RIN2: variants seen among roughly 807,000 people sequenced by gnomAD.
RIN2 encodes the protein Ras and Rab interactor 2.
In RIN2, 36 loss-of-function variants were observed where a neutral mutation model predicts 78.0. The ratio of observed to expected loss-of-function variants is 0.46; its 90% CI spans 0.35 to 0.61. The LOEUF is 0.61. Among genes scored for constraint, RIN2 ranks in the 20% least tolerant of loss-of-function variants. The pLI is 0.00. For missense variants in RIN2, 1,087 were observed against 1,159.7 expected (o/e 0.94, Z 0.91); for synonymous variants, 466 against 466.8 (o/e 1.00, Z 0.02).
rs142991224 is a variant in RIN2, at chr20:19,906,673, C to A, written c.57+17015C>A. 2.3e-3 allele frequency among the ~76,000 whole-genome samples: 352 copies of A among 152,206 alleles called. 4 individuals are homozygous for A. The highest frequency in any genetic ancestry group is 7.8e-3 in the African/African-American group (325 of 41,508). On this transcript the variant is annotated intron_variant, in intron 3 of 12. Transcript: ENST00000255006. The stretch of plus-strand genomic sequence containing the variant: ...CCATCTAACAAGGCAGCATCACCAT[C>A]GTGGTCCAGGGTTTCTAATTTTCAA...
At chr20:19,765,065 G>A (rs2033827747) in intron 1 of RIN2, among the ~76,000 whole-genome samples, 1 of 151,654 alleles carries the variant, frequency 6.6e-6, no homozygotes, top group Non-Finnish European at 1.5e-5. Flanking sequence ...GGCCAGGCTG[G>A]TCTCGAACTC....
intron 2 of RIN2, chr20:19,886,694 T>C (rs1210039471): frequency 2.0e-6 from 3 of 1,533,746 alleles, no homozygotes; most frequent in Non-Finnish European, 2.6e-6. Flanking sequence ...TTCTCAAGAA[T>C]CCACTTTACC....
rs1433969571 is a variant in RIN2 at position 19,970,718 on chromosome 20, A to G, written c.537-120A>G. On this transcript the variant is annotated intron_variant, in intron 7 of 12. Transcript: ENST00000255006. ...GGAAAGATAACTTTGTCGATATGGTATGGTGTCTACTTAGGACATTTTAAA... is the reference window on the plus strand; with the variant it reads ...GGAAAGATAACTTTGTCGATATGGTGTGGTGTCTACTTAGGACATTTTAAA... 5.2e-6 allele frequency: 4 copies of G among 762,592 alleles called. No homozygotes were observed. In the African/African-American group the frequency reaches 6.9e-5, roughly 13 times the overall value. 47.2% of individuals were successfully genotyped at this position (762,592 alleles called of 1,614,324 possible).
At position 19,864,017 on chromosome 20, in the gene RIN2, G is replaced by T. The variant is rs952071583; in HGVS notation, c.-36-25549G>T. On this transcript the variant is annotated intron_variant, in intron 2 of 12. Transcript: ENST00000255006. The stretch of plus-strand genomic sequence containing the variant: ...AAGAATTGGTTCTCGGGGGTGGGTG[G>T]TAAAAAAAAAACTTTTTTTTTAATG... 2.0e-5 allele frequency among the ~76,000 whole-genome samples: 3 copies of T among 146,696 alleles called. No individual in the cohort carries two copies. In the East Asian group the frequency reaches 5.9e-4, roughly 29 times the overall value.
At chr20:19,856,428 G>A (rs144116350) in intron 2 of RIN2, among the ~76,000 whole-genome samples, 2 of 152,142 alleles carry the variant, frequency 1.3e-5, no homozygotes, top group Admixed American at 6.5e-5. Flanking sequence ...AGCTACTCCA[G>A]AGGCTGAGGT....
intron 2 of RIN2, among the ~76,000 whole-genome samples, chr20:19,861,594 G>GTGATCACCCTCCATATCTGA (rs2037339680): frequency 4.1e-5 from 4 of 97,482 alleles, no homozygotes; most frequent in Non-Finnish European, 8.7e-5. Flanking sequence ...TCCATATCTG[G>GTGATCACCCTCCATATCTGA]TGATCACCCT....
chr20:19,800,634 C>T (rs902006652), intron 2 of RIN2, among the ~76,000 whole-genome samples: 12 of 152,190 alleles, frequency 7.9e-5, no homozygotes, highest in African/African-American at 2.9e-4. Flanking sequence ...TGACATGGGA[C>T]TTAGAAGGCT....
chr20:19,970,869 T>C lies in RIN2; in HGVS notation c.568T>C (p.Tyr190His). The C allele has an allele frequency of 1.2e-6, 2 of 1,613,684 alleles. No homozygotes were observed. Among genetic ancestry groups the C allele is most frequent in the Non-Finnish European group, 1.7e-6 (2 of 1,179,774 alleles). The change falls in exon 8 of 13, where the codon TAT becomes CAT. Residue 190 changes from tyrosine (Y) to histidine (H), a missense_variant. Around this residue, in one of 8 missense-constraint regions of RIN2, gnomAD observed 706 missense variants for 667.5 expected, o/e 1.06. Coordinates refer to ENST00000255006, the MANE Select transcript of RIN2 (RefSeq NM_018993.4). ...DVLPFTLKLP[Y>H]AISTAKSEAQ... ...TCTACCATTTACCTTGAAGTTGCCT[T>C]ATGCCATTTCAACAGCCAAGTCGGA...
chr20:19,804,707 C>T (rs1006045614), intron 2 of RIN2, among the ~76,000 whole-genome samples: 1 of 152,086 alleles, frequency 6.6e-6, no homozygotes, highest in South Asian at 2.1e-4. Context: ...ATTATGCTGG[C>T]CTCATAAAAT....
chr20:19,860,562 A>G (rs2037303993), intron 2 of RIN2, among the ~76,000 whole-genome samples: 1 of 152,112 alleles, frequency 6.6e-6, no homozygotes, highest in Non-Finnish European at 1.5e-5. Context: ...ACCTCAGGCA[A>G]TCCACCCACC....
intron 2 of RIN2, among the ~76,000 whole-genome samples, chr20:19,876,937 A>G (rs1177829177): frequency 6.6e-6 from 1 of 152,004 alleles, no homozygotes. Context: ...AACAAAAAAA[A>G]CAACCACATA....
chr20:19,983,405 T>C (rs2042521219), intron 9 of RIN2, among the ~76,000 whole-genome samples: 1 of 152,210 alleles, frequency 6.6e-6, no homozygotes, highest in Non-Finnish European at 1.5e-5. Context: ...AGAATGACAG[T>C]AGTCCCAGCG....
In RIN2 at chr20:19,990,171, C is replaced by T. The variant is rs1471657298; in HGVS notation, c.1928C>T (p.Ala643Val). Reference sequence around the variant, plus strand: ...AATCCGCAGGAGCTGGGGGTCTTCGCCCCGACCCCTGATTTTGTGGATGTG... The same window carrying T: ...AATCCGCAGGAGCTGGGGGTCTTCGTCCCGACCCCTGATTTTGTGGATGTG... ...QRNPQELGVF[A>V]PTPDFVDVEK... Residue 643 changes from alanine to valine, a missense_variant, in exon 10 of 13, where the codon GCC (alanine) becomes GTC (valine). Coordinates refer to ENST00000255006, the MANE Select transcript of RIN2 (RefSeq NM_018993.4). The T allele has an allele frequency of 5.6e-6, 9 of 1,605,034 alleles. No homozygotes were observed. The highest frequency in any genetic ancestry group is 3.4e-5 in the South Asian group (3 of 89,162).
At chr20:19,910,165 A>C (rs1165603194) in intron 3 of RIN2, among the ~76,000 whole-genome samples, 1 of 152,014 alleles carries the variant, frequency 6.6e-6, no homozygotes, top group Admixed American at 6.6e-5. Flanking sequence ...TATTTATTTT[A>C]ATTTTTTTCA....
intron 7 of RIN2, among the ~76,000 whole-genome samples, chr20:19,969,632 T>A (rs1017629952): frequency 6.6e-6 from 1 of 152,220 alleles, no homozygotes; most frequent in Admixed American, 6.5e-5. Context: ...TGGAGCTCCA[T>A]GCAGGCAGGA....
intron 2 of RIN2, chr20:19,889,168 G>A: frequency 3.0e-6 from 3 of 985,456 alleles, no homozygotes; most frequent in Non-Finnish European, 3.6e-6. Flanking sequence ...TTCCTGGGAT[G>A]TACAGAACCT....
chr20:19,765,335 G>T (rs1158040172), intron 1 of RIN2, among the ~76,000 whole-genome samples: 2 of 152,196 alleles, frequency 1.3e-5, no homozygotes, highest in African/African-American at 4.8e-5. Flanking sequence ...ATTAGAGCCA[G>T]TGGGCATTGA....
At chr20:19,927,282 C>G (rs1212954757) in intron 3 of RIN2, among the ~76,000 whole-genome samples, 1 of 152,228 alleles carries the variant, frequency 6.6e-6, no homozygotes, top group Admixed American at 6.5e-5. Flanking sequence ...GGGTCTCACT[C>G]TGTTACCTAG....
intron 9 of RIN2, among the ~76,000 whole-genome samples, chr20:19,986,717 C>T (rs879631530): frequency 2.0e-5 from 3 of 152,328 alleles, no homozygotes; most frequent in Admixed American, 1.3e-4. Context: ...TGACCGGGCT[C>T]ACTCTGATGA....
Sources: gnomAD v4.1 joint callset for allele counts (sites outside exome capture counted in the v4.1 genomes callset) on GRCh38, gnomAD v4.1.1 for gene constraint, gnomAD v4.1.1 regional missense constraint, MANE v1.5 for transcripts, NCBI Gene and HGNC (gene_info 2026-07-23, HGNC 2026-07-21) for gene names.